Variants in TRIQK observed in about 807,000 individuals in gnomAD.
TRIQK encodes the protein triple QxxK/R motif-containing protein.
TRIQK carries 10 observed loss-of-function variants against 10.8 expected under a neutral mutation model. The observed-to-expected ratio is 0.92, with a 90% CI of 0.57 to 1.57. The LOEUF (loss-of-function observed/expected upper bound fraction) is 1.57, where lower values mean the gene tolerates loss of function less well. Ranked by LOEUF, TRIQK falls within the 40% of genes most tolerant of loss-of-function variation. TRIQK has a pLI of 0.00. For missense variants in TRIQK, 107 were observed against 97.7 expected (o/e 1.09, Z -0.40); for synonymous variants, 33 against 33.7 (o/e 0.98, Z 0.07).
At chr8:92,914,083 C>T (rs1809708882) in intron 3 of TRIQK, among the ~76,000 whole-genome samples, 1 of 152,094 alleles carries the variant, frequency 6.6e-6, no homozygotes. Context: ...CAAACCTGCA[C>T]GTTCTGCACA....
At chr8:93,016,191 A>G (rs1192665404) in intron 1 of TRIQK, among the ~76,000 whole-genome samples, 1 of 152,236 alleles carries the variant, frequency 6.6e-6, no homozygotes, top group Non-Finnish European at 1.5e-5. Context: ...TAAATAATTT[A>G]GAGTAGTGTC....
intron 1 of TRIQK, among the ~76,000 whole-genome samples, chr8:93,005,298 A>G (rs1813256737): frequency 6.6e-6 from 1 of 152,206 alleles, no homozygotes; most frequent in Admixed American, 6.5e-5. Context: ...TAGTGAAGAG[A>G]TAAGTGTTAC....
intron 1 of TRIQK, among the ~76,000 whole-genome samples, chr8:92,995,993 G>C (rs931251293): frequency 1.5e-4 from 23 of 152,044 alleles, no homozygotes; most frequent in African/African-American, 5.5e-4. Context: ...ACTACCAACT[G>C]TCAGATCTCT....
intron 3 of TRIQK, among the ~76,000 whole-genome samples, chr8:92,896,256 G>A (rs967742366): frequency 4.6e-5 from 7 of 152,100 alleles, no homozygotes; most frequent in African/African-American, 7.2e-5. Flanking sequence ...CTGCAGCTCC[G>A]GGGACACAAG....
intron 1 of TRIQK, among the ~76,000 whole-genome samples, chr8:93,005,359 C>A (rs1483984414): frequency 6.6e-6 from 1 of 152,132 alleles, no homozygotes; most frequent in Non-Finnish European, 1.5e-5. Flanking sequence ...ATCATGAGAA[C>A]AGCAAAGGAG....
rs544367094 is a variant in TRIQK at position 92,980,260 on chromosome 8, TTATC to T, written c.-180-25700_-180-25697del. Among the ~76,000 whole-genome samples the T allele has an allele frequency of 4.3e-4, 66 of 152,184 alleles. No homozygotes were observed. The Middle Eastern group carries it at 0.01, about 24-fold the overall frequency. ...AGGTATTCTAATATGGGAATTTACT[TTATC>T]TAGAGAAATGCTATTTGATTATTCC... On this transcript the variant is annotated intron_variant, in intron 1 of 4. Transcript: ENST00000520686.
At chr8:93,008,022 C>G (rs1004991925) in intron 1 of TRIQK, among the ~76,000 whole-genome samples, 1 of 152,174 alleles carries the variant, frequency 6.6e-6, no homozygotes, top group Non-Finnish European at 1.5e-5. Flanking sequence ...CCAACATCCT[C>G]AGCAAACTAA....
chr8:92,911,885 G>T (rs1809588976), intron 3 of TRIQK, among the ~76,000 whole-genome samples: 1 of 141,252 alleles, frequency 7.1e-6, no homozygotes, highest in Admixed American at 7.2e-5. Context: ...ACATATATAT[G>T]TATATGTGTG....
intron 1 of TRIQK, among the ~76,000 whole-genome samples, chr8:93,002,920 CA>C (rs770726105): frequency 1.6e-3 from 183 of 113,804 alleles, no homozygotes; most frequent in East Asian, 8.5e-3. Context: ...AACTCCATCT[CA>C]AAAAAAAAAA....
At chr8:92,940,338 A>T (rs971496827) in intron 2 of TRIQK, among the ~76,000 whole-genome samples, 17 of 151,320 alleles carry the variant, frequency 1.1e-4, no homozygotes, top group Admixed American at 4.6e-4. Context: ...ATTTAATAAA[A>T]AAAAAAAAAA....
chr8:92,945,102 C>T (rs1406439137), intron 2 of TRIQK, among the ~76,000 whole-genome samples: 1 of 152,052 alleles, frequency 6.6e-6, no homozygotes, highest in African/African-American at 2.4e-5. Context: ...AGAAGCTGGC[C>T]AGATGCAATC....
chr8:92,911,456 T>G (rs1001521309), intron 3 of TRIQK, among the ~76,000 whole-genome samples: 3 of 151,330 alleles, frequency 2.0e-5, no homozygotes, highest in Non-Finnish European at 4.4e-5. Flanking sequence ...TGCAAATATA[T>G]TAAACTCACC....
upstream of TRIQK, among the ~76,000 whole-genome samples, chr8:92,970,362 T>C (rs181372721): frequency 5.3e-5 from 8 of 152,244 alleles, no homozygotes; most frequent in East Asian, 3.9e-4. Context: ...TTCTAGGTCT[T>C]TAAGGAATTG....
At chr8:92,934,121 C>T (rs1360699881) in intron 2 of TRIQK, among the ~76,000 whole-genome samples, 1 of 151,994 alleles carries the variant, frequency 6.6e-6, no homozygotes, top group East Asian at 1.9e-4. Flanking sequence ...TAGTTTGGTA[C>T]ATGGATAGTT....
At chr8:92,987,123 A>T (rs934277024) in intron 1 of TRIQK, among the ~76,000 whole-genome samples, 1 of 152,188 alleles carries the variant, frequency 6.6e-6, no homozygotes, top group Admixed American at 6.5e-5. Context: ...CCATCCCTGA[A>T]TCTAATCAAG....
intron 2 of TRIQK, among the ~76,000 whole-genome samples, chr8:92,950,485 T>C (rs773544373): frequency 1.2e-4 from 19 of 152,158 alleles, no homozygotes; most frequent in Non-Finnish European, 2.6e-4. Context: ...ATTTCTCAGG[T>C]AAACACTTCC....
chr8:92,970,972 A>G (rs1812868812), upstream of TRIQK, among the ~76,000 whole-genome samples: 1 of 152,056 alleles, frequency 6.6e-6, no homozygotes. Flanking sequence ...TATTTTTTGT[A>G]TAAGGTATAA....
At chr8:92,981,740 T>C (rs1054165534) in intron 1 of TRIQK, among the ~76,000 whole-genome samples, 1 of 151,930 alleles carries the variant, frequency 6.6e-6, no homozygotes, top group Non-Finnish European at 1.5e-5. Flanking sequence ...ACTCCAATAT[T>C]TCTGTGTCAT....
At chr8:92,893,100 T>C (rs879740835) in intron 3 of TRIQK, among the ~76,000 whole-genome samples, 3 of 151,966 alleles carry the variant, frequency 2.0e-5, no homozygotes, top group African/African-American at 2.4e-5. Flanking sequence ...ATCTAAATAA[T>C]ACAAATTCTA....
Sources: allele counts gnomAD v4.1 joint callset (sites outside exome capture counted in the v4.1 genomes callset), GRCh38; gene constraint gnomAD v4.1.1; transcripts MANE v1.5; gene names NCBI Gene and HGNC (gene_info 2026-07-23, HGNC 2026-07-21).